The following DPYSL2 variants were observed in gnomAD, a reference collection of about 807,000 sequenced individuals.
DPYSL2 encodes the protein dihydropyrimidinase-related protein 2.
Under a neutral mutation model 69.9 loss-of-function variants are expected in DPYSL2, and 13 were observed. That is an observed-to-expected ratio of 0.19 (90% CI 0.12 to 0.30). The LOEUF is 0.30. Among genes scored for constraint, DPYSL2 ranks in the 10% least tolerant of loss-of-function variants. The pLI is 1.00. For synonymous variants in DPYSL2, 326 were observed against 359.1 expected, an observed-to-expected ratio of 0.91 and a Z score of 1.04; for missense variants, 587 against 918.9, an observed-to-expected ratio of 0.64 and a Z score of 4.67.
At chr8:26,556,106 GTA>G (rs1236063658) in intron 1 of DPYSL2, among the ~76,000 whole-genome samples, 35 of 24,230 alleles carry the variant, frequency 1.4e-3, no homozygotes, top group East Asian at 3.2e-3. Context: ...ATTATATATA[GTA>G]TATATATACT....
chr8:26,556,642 T>C (rs1800993142), intron 1 of DPYSL2, among the ~76,000 whole-genome samples: 1 of 151,788 alleles, frequency 6.6e-6, no homozygotes, highest in Non-Finnish European at 1.5e-5. Flanking sequence ...AAAGATTTTT[T>C]GTGTTCATAG....
intron 3 of DPYSL2, among the ~76,000 whole-genome samples, chr8:26,599,524 A>G (rs934502328): frequency 1.3e-5 from 2 of 151,482 alleles, no homozygotes; most frequent in Non-Finnish European, 2.9e-5. Context: ...TCTGAGTAAG[A>G]GTATCTCCCT....
chr8:26,581,847 A>G, intron 1 of DPYSL2, 122 bp from the exon 2 acceptor site: 1 of 771,308 alleles, frequency 1.3e-6, no homozygotes, highest in South Asian at 1.7e-5. Context: ...GAACCTTTCC[A>G]AAATGGGCTT....
intron 3 of DPYSL2, among the ~76,000 whole-genome samples, chr8:26,607,798 G>T (rs1182468529): frequency 1.3e-5 from 2 of 151,640 alleles, no homozygotes; most frequent in African/African-American, 4.8e-5. Context: ...AAAAAAAATC[G>T]GCTGGGTGTG....
Position 26,624,412 on chromosome 8 carries a change from C to T in DPYSL2, c.793+105C>T. 3 of 1,409,916 alleles carry T rather than the reference C, an allele frequency of 2.1e-6. No individual in the cohort carries two copies. The highest frequency in any genetic ancestry group is 2.9e-6 in the Non-Finnish European group (3 of 1,030,106). 87.3% of individuals were successfully genotyped at this position (1,409,916 alleles called of 1,614,324 possible). ...ATAATGCTTCCAGATCCCATTTGTG[C>T]CTCATGCCCATGCCTGCCCCTGGGA... On this transcript the variant is annotated intron_variant, in intron 4 of 13. Coordinates refer to ENST00000521913, the MANE Select transcript of DPYSL2 (RefSeq NM_001197293.3). This position sits in a 1 kb window ranked among gnomAD's most constrained non-coding sequence, Gnocchi z 4.7.
At chr8:26,611,764 G>A (rs1420894915) in intron 3 of DPYSL2, among the ~76,000 whole-genome samples, 1 of 152,186 alleles carries the variant, frequency 6.6e-6, no homozygotes, top group Admixed American at 6.5e-5. Flanking sequence ...TTTACGGATG[G>A]CATTTCCTAT....
intron 11 of DPYSL2, among the ~76,000 whole-genome samples, chr8:26,649,745 AG>A (rs894166975): frequency 3.3e-5 from 5 of 152,198 alleles, no homozygotes; most frequent in Non-Finnish European, 7.3e-5. Flanking sequence ...TGGATTTTCC[AG>A]GCATCTGGCC....
chr8:26,514,473 A>T lies in DPYSL2; in HGVS notation c.148A>T (p.Ile50Phe). 6.5e-7 allele frequency: 1 copy of T among 1,528,108 alleles called. No homozygotes were observed. Among genetic ancestry groups the T allele is most frequent in the Non-Finnish European group, 8.7e-7 (1 of 1,144,062 alleles). 94.7% of individuals were successfully genotyped at this position (1,528,108 alleles called of 1,614,324 possible). A position where few individuals can be genotyped will look rare whatever the true frequency, so the allele number is the denominator to read the frequency against. ...PVEGSSENKTIDFDSLSVGRG... is the reference protein window; with the variant it reads ...PVEGSSENKTFDFDSLSVGRG... Reference sequence around the variant, plus strand: ...GGAAGGGTCCTCGGAGAACAAGACCATCGACTTCGACTCGCTGTCGGTGGG... The same window carrying T: ...GGAAGGGTCCTCGGAGAACAAGACCTTCGACTTCGACTCGCTGTCGGTGGG... The change falls in exon 1 of 14, where the codon ATC becomes TTC. Residue 50 changes from isoleucine to phenylalanine, a missense_variant. By Grantham distance (21) the Ile-to-Phe change is conservative. Coordinates refer to ENST00000521913, the MANE Select transcript of DPYSL2 (RefSeq NM_001197293.3). This position sits in a 1 kb window ranked among gnomAD's most constrained non-coding sequence, Gnocchi z 8.4.
At chr8:26,541,767 C>A (rs763826156) in intron 1 of DPYSL2, among the ~76,000 whole-genome samples, 21 of 151,866 alleles carry the variant, frequency 1.4e-4, no homozygotes, top group Non-Finnish European at 2.9e-4. Context: ...TTTACACAAG[C>A]CTTTATCTAA....
intron 1 of DPYSL2, among the ~76,000 whole-genome samples, chr8:26,522,165 G>A (rs187609590): frequency 2.9e-4 from 44 of 152,170 alleles, no homozygotes; most frequent in Non-Finnish European, 4.6e-4. Flanking sequence ...AAAATTAGCC[G>A]GGCACGGTGG....
intron 1 of DPYSL2, among the ~76,000 whole-genome samples, chr8:26,524,519 C>T (rs994871976): frequency 2.6e-5 from 4 of 151,658 alleles, no homozygotes; most frequent in Non-Finnish European, 4.4e-5. Context: ...GAATGAGGGC[C>T]GAGCGCGCTA....
In DPYSL2 at chr8:26,634,875, G is replaced by A. The variant is rs1386862349; in HGVS notation, c.1101G>A (p.Glu367=). The stretch of plus-strand genomic sequence containing the variant: ...AGGTGATGAGCAAAAGCTCTGCTGA[G>A]GTCATCGCCCAGGCACGGAAGAAGG... The part of the protein sequence containing the change: ...ITKVMSKSSA[E]VIAQARKKGT... Residue 367 remains glutamate (E), a synonymous_variant, in exon 8 of 14, where the codon GAG becomes GAA. Coordinates refer to ENST00000521913, the MANE Select transcript of DPYSL2 (RefSeq NM_001197293.3). The A allele has an allele frequency of 1.9e-6, 3 of 1,614,112 alleles. No individual in the cohort carries two copies. The highest frequency in any genetic ancestry group is 2.5e-6 in the Non-Finnish European group (3 of 1,180,046).
chr8:26,563,205 A>G (rs1255639123), intron 1 of DPYSL2, among the ~76,000 whole-genome samples: 2 of 151,692 alleles, frequency 1.3e-5, no homozygotes, highest in East Asian at 3.9e-4. Flanking sequence ...CATGTCTATC[A>G]CTCTCTCTTG....
chr8:26,625,309 G>T (rs1299059350), intron 4 of DPYSL2, among the ~76,000 whole-genome samples: 1 of 152,130 alleles, frequency 6.6e-6, no homozygotes, highest in Non-Finnish European at 1.5e-5. Flanking sequence ...AAGAAAATAG[G>T]TAAACTTTGA....
chr8:26,584,613 CTTTTTTTTTTTTTTT>C (rs35587383), intron 3 of DPYSL2, among the ~76,000 whole-genome samples: 1 of 100,138 alleles, frequency 1.0e-5, no homozygotes, highest in Non-Finnish European at 2.0e-5. Context: ...GGGCTTTGTG[CTTTTTTTTTTTTTTT>C]TTTTTTTTGA....
chr8:26,631,327 C>T (rs1433418448), intron 7 of DPYSL2, among the ~76,000 whole-genome samples: 2 of 152,156 alleles, frequency 1.3e-5, no homozygotes, highest in Non-Finnish European at 2.9e-5. Flanking sequence ...GAAGCAGGTT[C>T]CGTCTTATGT....
rs1156619667 is a variant in DPYSL2, at chr8:26,617,546, AT to A, written c.629-6596del. 1.3e-5 allele frequency among the ~76,000 whole-genome samples: 2 copies of A among 152,220 alleles called. No homozygotes were observed. The highest frequency in any genetic ancestry group is 6.5e-5 in the Admixed American group (1 of 15,280). On this transcript the variant is annotated intron_variant, in intron 3 of 13. Transcript: ENST00000521913. The surrounding 1 kb of genome is among the most constrained non-coding windows in gnomAD (Gnocchi z 4.7). Reference sequence around the variant, plus strand: ...AAAAATTAAAAGTAGGGTCATTTAAATATGGCAAACTCCAAACGGGTCTTCT... The same window carrying A: ...AAAAATTAAAAGTAGGGTCATTTAAAATGGCAAACTCCAAACGGGTCTTCT...
At chr8:26,622,470 GTGTA>G (rs1196583587) in intron 3 of DPYSL2, among the ~76,000 whole-genome samples, 2 of 97,006 alleles carry the variant, frequency 2.1e-5, no homozygotes, top group African/African-American at 7.2e-5. Context: ...GTGTGTGTGT[GTGTA>G]TATGTGTGTG....
At chr8:26,557,060 C>T (rs1216726484) in intron 1 of DPYSL2, among the ~76,000 whole-genome samples, 1 of 152,090 alleles carries the variant, frequency 6.6e-6, no homozygotes, top group African/African-American at 2.4e-5. Flanking sequence ...TCACATCTTT[C>T]AGGAAAATTA....
Sources: gnomAD v4.1 joint callset for allele counts (sites outside exome capture counted in the v4.1 genomes callset) on GRCh38, gnomAD v4.1.1 for gene constraint, Gnocchi (gnomAD v3.1) non-coding constraint, MANE v1.5 for transcripts, NCBI Gene and HGNC (gene_info 2026-07-23, HGNC 2026-07-21) for gene names.